The following THSD7A variants were observed in gnomAD, a reference collection of about 807,000 sequenced individuals.
THSD7A encodes the protein thrombospondin type 1 domain containing 7A.
Under a neutral mutation model 231.3 loss-of-function variants are expected in THSD7A, and 96 were observed. The observed-to-expected ratio is 0.41, with a 90% CI of 0.35 to 0.49. The LOEUF (loss-of-function observed/expected upper bound fraction) is 0.49. THSD7A is among the 20% of genes least tolerant of loss of function. THSD7A has a pLI of 0.05. For synonymous variants in THSD7A, 940 were observed against 743.3 expected, an observed-to-expected ratio of 1.26 and a Z score of -4.30; for missense variants, 2,290 against 2,070.2, an observed-to-expected ratio of 1.11 and a Z score of -2.06.
intron 1 of THSD7A, among the ~76,000 whole-genome samples, chr7:11,752,095 A>G (rs1390087991): frequency 6.6e-6 from 1 of 152,100 alleles, no homozygotes; most frequent in Non-Finnish European, 1.5e-5. Flanking sequence ...ATTCAGACAA[A>G]CAAGAGACAT....
chr7:11,423,680 G>T (rs1296434234), intron 16 of THSD7A, among the ~76,000 whole-genome samples: 2 of 152,034 alleles, frequency 1.3e-5, no homozygotes, highest in Non-Finnish European at 2.9e-5. Flanking sequence ...ACTGAGAAGG[G>T]TTAAAAGAAA....
intron 16 of THSD7A, among the ~76,000 whole-genome samples, chr7:11,422,420 G>C (rs563732973): frequency 6.6e-6 from 1 of 152,182 alleles, no homozygotes; most frequent in African/African-American, 2.4e-5. Flanking sequence ...TAATTTAAGG[G>C]AAGTGTACTA....
Position 11,634,649 on chromosome 7 carries a change from G to A in THSD7A, c.1022+1481C>T, listed in dbSNP as rs533766330. ...CATTTAAGGAGTTGTAGGAAACCTG[G>A]AGAATGAAGGCAGAACAACAGCCTT... On this transcript the variant is annotated intron_variant, in intron 2 of 27. Transcript: ENST00000423059. The surrounding 1 kb of genome is among the most constrained non-coding windows in gnomAD (Gnocchi z 4.1). Among the ~76,000 whole-genome samples the A allele has an allele frequency of 9.1e-4, 138 of 151,902 alleles. No individual in the cohort carries two copies. The highest frequency in any genetic ancestry group is 1.7e-3 in the Non-Finnish European group (116 of 67,892).
chr7:11,769,149 A>ATTTTTT (rs1245740094), intron 1 of THSD7A, among the ~76,000 whole-genome samples: 1 of 36,308 alleles, frequency 2.8e-5, no homozygotes, highest in Non-Finnish European at 6.1e-5. Context: ...ATATATATAT[A>ATTTTTT]TATATTTTTT....
intron 1 of THSD7A, among the ~76,000 whole-genome samples, chr7:11,775,025 C>T (rs1225266793): frequency 6.6e-6 from 1 of 152,092 alleles, no homozygotes; most frequent in African/African-American, 2.4e-5. Context: ...GCCTGGGTGA[C>T]AGAGTGAGAT....
At chr7:11,537,320 C>A (rs1023141526) in intron 6 of THSD7A, among the ~76,000 whole-genome samples, 3 of 152,154 alleles carry the variant, frequency 2.0e-5, no homozygotes, top group African/African-American at 4.8e-5. Context: ...GGATATGTGT[C>A]CCCACTAAAT....
intron 6 of THSD7A, among the ~76,000 whole-genome samples, chr7:11,502,734 G>T (rs988764260): frequency 6.6e-6 from 1 of 151,970 alleles, no homozygotes; most frequent in African/African-American, 2.4e-5. Flanking sequence ...AAATACCTAG[G>T]AATACAGCCA....
At chr7:11,761,824 G>C (rs1238804647) in intron 1 of THSD7A, among the ~76,000 whole-genome samples, 2 of 151,888 alleles carry the variant, frequency 1.3e-5, no homozygotes, top group African/African-American at 4.8e-5. Flanking sequence ...GTGATGCTGG[G>C]GTTTGGGCTC....
rs1003216832 is a variant in THSD7A at position 11,814,075 on chromosome 7, T to G, written c.190+17682A>C. On this transcript the variant is annotated intron_variant, in intron 1 of 27. Coordinates refer to ENST00000423059, the MANE Select transcript of THSD7A (RefSeq NM_015204.3). The surrounding 1 kb of genome is among the most constrained non-coding windows in gnomAD (Gnocchi z 5.1). Reference sequence around the variant, plus strand: ...ATCACGCAAGTTATGATGCCATTCATATGAAAGGTCCAGACTAGGCGAATA... The same window carrying G: ...ATCACGCAAGTTATGATGCCATTCAGATGAAAGGTCCAGACTAGGCGAATA... Among the ~76,000 whole-genome samples the G allele has an allele frequency of 6.6e-6, 1 of 152,174 alleles. No individual in the cohort carries two copies. Among genetic ancestry groups the G allele is most frequent in the African/African-American group, 2.4e-5 (1 of 41,452 alleles).
intron 4 of THSD7A, among the ~76,000 whole-genome samples, chr7:11,547,034 G>C (rs184537849): frequency 6.6e-6 from 1 of 152,082 alleles, no homozygotes; most frequent in Non-Finnish European, 1.5e-5. Context: ...AGTGAAATAA[G>C]GAATTATGTG....
chr7:11,449,947 G>T (rs890077968), intron 11 of THSD7A, among the ~76,000 whole-genome samples: 1 of 152,020 alleles, frequency 6.6e-6, no homozygotes, highest in Non-Finnish European at 1.5e-5. Flanking sequence ...TGTGAAGAGG[G>T]TTTCACTGTT....
chr7:11,618,299 TAC>T (rs1026333152), intron 2 of THSD7A, among the ~76,000 whole-genome samples: 7 of 152,194 alleles, frequency 4.6e-5, no homozygotes, highest in Non-Finnish European at 1.0e-4. Flanking sequence ...GTATATTGTA[TAC>T]ACATGCATAT....
At position 11,552,965 on chromosome 7, in the gene THSD7A, C is replaced by T. The variant is rs552383450; in HGVS notation, c.1454-9848G>A. Among the ~76,000 whole-genome samples the T allele has an allele frequency of 2.0e-5, 3 of 152,212 alleles. No homozygotes were observed. The East Asian group carries it at 5.8e-4, about 29-fold the overall frequency. On this transcript the variant is annotated intron_variant, in intron 4 of 27. Coordinates refer to ENST00000423059, the MANE Select transcript of THSD7A (RefSeq NM_015204.3). ...CTCGGGTCTTTTCTGCTCAGACACC[C>T]TTCTCTCTCTCTAGAGAGGGAGATG...
intron 19 of THSD7A, among the ~76,000 whole-genome samples, chr7:11,409,761 A>AGAT (rs1034254567): frequency 1.2e-4 from 18 of 151,112 alleles, no homozygotes; most frequent in African/African-American, 4.1e-4. Flanking sequence ...TTTTTTTTTG[A>AGAT]GATGGAGTTT....
At chr7:11,695,410 A>G (rs528351168) in intron 1 of THSD7A, among the ~76,000 whole-genome samples, 86 of 151,472 alleles carry the variant, frequency 5.7e-4, no homozygotes, top group Non-Finnish European at 1.6e-4. Context: ...TTATCAAGAT[A>G]TAATCTGGAT....
intron 4 of THSD7A, among the ~76,000 whole-genome samples, chr7:11,560,579 G>T (rs951314482): frequency 2.0e-5 from 3 of 152,094 alleles, no homozygotes; most frequent in African/African-American, 7.2e-5. Context: ...TCGCCTTCCA[G>T]ATAAGGTTTA....
chr7:11,693,396 A>C (rs1241309008), intron 1 of THSD7A, among the ~76,000 whole-genome samples: 2 of 151,530 alleles, frequency 1.3e-5, no homozygotes, highest in African/African-American at 4.8e-5. Context: ...AATGTAGTAA[A>C]ACTAGTAATA....
chr7:11,495,111 T>C (rs1787046683), intron 6 of THSD7A, among the ~76,000 whole-genome samples: 3 of 152,082 alleles, frequency 2.0e-5, no homozygotes, highest in Admixed American at 2.0e-4. Flanking sequence ...ATTTCTTTTT[T>C]CAAACTTGTA....
intron 1 of THSD7A, among the ~76,000 whole-genome samples, chr7:11,761,372 T>C (rs1034496554): frequency 5.3e-5 from 8 of 152,112 alleles, no homozygotes; most frequent in African/African-American, 1.9e-4. Flanking sequence ...TATAACATCT[T>C]TGCAAATAGA....
Sources: allele counts gnomAD v4.1 joint callset (sites outside exome capture counted in the v4.1 genomes callset), GRCh38; gene constraint gnomAD v4.1.1; non-coding constraint Gnocchi (gnomAD v3.1); transcripts MANE v1.5; gene names NCBI Gene and HGNC (gene_info 2026-07-23, HGNC 2026-07-21).